The following UBE2H variants were observed in gnomAD, a reference collection of about 807,000 sequenced individuals.
The protein encoded by UBE2H is ubiquitin-conjugating enzyme E2 H.
Under a neutral mutation model 29.0 loss-of-function variants are expected in UBE2H, and 3 were observed. The ratio of observed to expected loss-of-function variants is 0.10; its 90% CI spans 0.05 to 0.27. UBE2H has a LOEUF of 0.27. UBE2H is among the 10% of genes least tolerant of loss of function. The pLI is 1.00. For synonymous variants in UBE2H, 69 were observed against 82.9 expected (o/e 0.83, Z 0.91); for missense variants, 68 against 228.2 (o/e 0.30, Z 4.52).
intron 1 of UBE2H, among the ~76,000 whole-genome samples, chr7:129,918,091 C>T (rs1208827121): frequency 6.6e-6 from 1 of 152,192 alleles, no homozygotes; most frequent in Admixed American, 6.5e-5. Flanking sequence ...AGGCCTCAAA[C>T]TTTCATGTCT....
intron 1 of UBE2H, among the ~76,000 whole-genome samples, chr7:129,884,886 T>C (rs1203471846): frequency 6.6e-6 from 1 of 152,032 alleles, no homozygotes; most frequent in Non-Finnish European, 1.5e-5. Flanking sequence ...CCTAGCCAGG[T>C]GAAATGACTT....
intron 3 of UBE2H, among the ~76,000 whole-genome samples, chr7:129,873,537 T>G (rs554103762): frequency 6.6e-6 from 1 of 150,706 alleles, no homozygotes; most frequent in Non-Finnish European, 1.5e-5. Context: ...TGGGCTCAAG[T>G]GATTCTCCCA....
Position 129,839,314 on chromosome 7 carries a change from G to A in UBE2H, c.320C>T (p.Ser107Phe). 1 of 1,613,568 alleles carries A rather than the reference G, an allele frequency of 6.2e-7. No homozygotes were observed. Among genetic ancestry groups the A allele is most frequent in the Non-Finnish European group, 8.5e-7 (1 of 1,179,846 alleles). ...ALYDLTNIFE[S>F]FLPQLLAYPN... is the part of the protein sequence containing the mutation. Reference sequence around the variant, plus strand: ...ATAGGCCAATAACTGAGGCAGGAAGGACTCAAATATATTGGTAAGATCTGA... The same window carrying A: ...ATAGGCCAATAACTGAGGCAGGAAGAACTCAAATATATTGGTAAGATCTGA... Residue 107 changes from serine (S) to phenylalanine (F), a missense_variant, in exon 6 of 7, where the codon TCC becomes TTC. Ser to Phe is a radical substitution (Grantham distance 155, BLOSUM62 -2). Around this residue, in one of 3 missense-constraint regions of UBE2H, gnomAD observed 40 missense variants for 174.1 expected, o/e 0.23. Coordinates refer to ENST00000355621, the MANE Select transcript of UBE2H (RefSeq NM_003344.4).
chr7:129,874,953 G>T (rs1349293624), intron 3 of UBE2H, among the ~76,000 whole-genome samples: 1 of 152,002 alleles, frequency 6.6e-6, no homozygotes, highest in Admixed American at 6.6e-5. Context: ...AAAATTTAAA[G>T]GAAAAAAGAA....
chr7:129,864,847 C>T (rs1195089094), intron 3 of UBE2H, among the ~76,000 whole-genome samples: 2 of 152,042 alleles, frequency 1.3e-5, no homozygotes, highest in Admixed American at 6.6e-5. Context: ...CCACCGTGCC[C>T]GGCCACTACC....
chr7:129,856,929 G>A (rs548032224), intron 5 of UBE2H: 8 of 152,358 alleles, frequency 5.3e-5, no homozygotes, highest in African/African-American at 1.7e-4. Context: ...AGGTGATAAG[G>A]AGGAAAGGCC....
At chr7:129,841,612 T>C (rs1805430924) in intron 5 of UBE2H, among the ~76,000 whole-genome samples, 1 of 152,200 alleles carries the variant, frequency 6.6e-6, no homozygotes, top group Non-Finnish European at 1.5e-5. Context: ...TAGAGAATGA[T>C]GGGCTAGAGG....
At chr7:129,907,750 A>T (rs1806850154) in intron 1 of UBE2H, among the ~76,000 whole-genome samples, 1 of 152,230 alleles carries the variant, frequency 6.6e-6, no homozygotes, top group Non-Finnish European at 1.5e-5. Flanking sequence ...GTATACACTT[A>T]AAATTGCTGA....
chr7:129,910,852 A>C (rs2116446512), intron 1 of UBE2H, among the ~76,000 whole-genome samples: 1 of 152,296 alleles, frequency 6.6e-6, no homozygotes, highest in Middle Eastern at 3.4e-3. Flanking sequence ...ACCGTACTCC[A>C]GCCTGGGTGA....
intron 3 of UBE2H, among the ~76,000 whole-genome samples, chr7:129,870,807 A>C (rs912320487): frequency 1.1e-4 from 16 of 152,194 alleles, no homozygotes; most frequent in African/African-American, 3.6e-4. Flanking sequence ...CGAGCCTTTA[A>C]CCTGGCCTAC....
At chr7:129,902,226 C>T (rs1225012645) in intron 1 of UBE2H, among the ~76,000 whole-genome samples, 2 of 152,156 alleles carry the variant, frequency 1.3e-5, no homozygotes, top group African/African-American at 2.4e-5. Flanking sequence ...TGGCCGGGCA[C>T]GGTGGCTCAC....
intron 1 of UBE2H, among the ~76,000 whole-genome samples, chr7:129,920,788 G>T (rs1190655768): frequency 7.2e-6 from 1 of 139,800 alleles, no homozygotes; most frequent in Non-Finnish European, 1.5e-5. Flanking sequence ...CATATTTGTT[G>T]TGGTGCTTAA....
intron 1 of UBE2H, among the ~76,000 whole-genome samples, chr7:129,924,616 TCACACACACACACACA>T (rs147228151): frequency 1.5e-4 from 22 of 144,012 alleles, no homozygotes; most frequent in African/African-American, 4.3e-4. Context: ...CCTTTTACAT[TCACACACACACACACA>T]CACACACACA....
In UBE2H at chr7:129,834,797, AAT is replaced by A. The variant is rs767224888; in HGVS notation, c.*138_*139del. 139 of 919,968 alleles carry A rather than the reference AAT, an allele frequency of 1.5e-4. No individual in the cohort carries two copies. The highest frequency in any genetic ancestry group is 2.6e-4 in the South Asian group (13 of 50,922). The allele number at this position is 919,968 out of a possible 1,614,324, so 57.0% of individuals were successfully genotyped here. On this transcript the variant is annotated 3_prime_UTR_variant, in exon 7 of 7. Coordinates refer to ENST00000355621, the MANE Select transcript of UBE2H (RefSeq NM_003344.4). Reference sequence around the variant, plus strand: ...AATCAAGATCTAAAGGGTGATATATAATATATATATATCAATGCTATTATTCA... The same window carrying A: ...AATCAAGATCTAAAGGGTGATATATAATATATATATCAATGCTATTATTCA...
chr7:129,949,042 G>A (rs1420643845), intron 1 of UBE2H: 2 of 456,504 alleles, frequency 4.4e-6, no homozygotes, highest in African/African-American at 4.0e-5. Flanking sequence ...AGCGGTGCCT[G>A]CGGCCTTTTG....
At chr7:129,944,682 T>C (rs961402768) in intron 1 of UBE2H, among the ~76,000 whole-genome samples, 6 of 151,420 alleles carry the variant, frequency 4.0e-5, no homozygotes, top group Middle Eastern at 3.4e-3. Flanking sequence ...AGTGAAATCC[T>C]GTCTCAAAAC....
At chr7:129,926,172 T>G (rs1807264381) in intron 1 of UBE2H, among the ~76,000 whole-genome samples, 1 of 152,192 alleles carries the variant, frequency 6.6e-6, no homozygotes, top group Non-Finnish European at 1.5e-5. Flanking sequence ...GATTTTTTCT[T>G]TTCAAGATAA....
chr7:129,871,791 C>T (rs1358037786), intron 3 of UBE2H, among the ~76,000 whole-genome samples: 1 of 151,808 alleles, frequency 6.6e-6, no homozygotes, highest in Non-Finnish European at 1.5e-5. Flanking sequence ...AAGTCATAAC[C>T]ACGGTTATTA....
intron 5 of UBE2H, 65 bp from the exon 6 acceptor site, chr7:129,839,400 C>T: frequency 1.9e-6 from 3 of 1,603,066 alleles, no homozygotes; most frequent in South Asian, 2.2e-5. Context: ...CACTTGCATT[C>T]AGTAGTCAAG....
Sources: gnomAD v4.1 joint callset for allele counts (sites outside exome capture counted in the v4.1 genomes callset) on GRCh38, gnomAD v4.1.1 for gene constraint, gnomAD v4.1.1 regional missense constraint, MANE v1.5 for transcripts, NCBI Gene and HGNC (gene_info 2026-07-23, HGNC 2026-07-21) for gene names.